The following ESRRG variants were observed in gnomAD, a reference collection of about 807,000 sequenced individuals.
ESRRG encodes estrogen-related receptor gamma.
Under a neutral mutation model 44.0 loss-of-function variants are expected in ESRRG, and 13 were observed. The observed-to-expected ratio is 0.30, with a 90% CI of 0.19 to 0.47. The LOEUF is 0.47. Among genes scored for constraint, ESRRG ranks in the 20% least tolerant of loss-of-function variants. ESRRG has a pLI of 1.00. For missense variants in ESRRG, 395 were observed against 580.6 expected, an observed-to-expected ratio of 0.68 and a Z score of 3.29; for synonymous variants, 215 against 214.6, an observed-to-expected ratio of 1.00 and a Z score of -0.02.
chr1:216,701,137 G>GC (rs1218671446), intron 1 of ESRRG, among the ~76,000 whole-genome samples: 2 of 3,836 alleles, frequency 5.2e-4, no homozygotes, highest in African/African-American at 1.7e-3. Flanking sequence ...GCGGAGTTTG[G>GC]GGGGGGTATG....
At chr1:217,088,897 A>T (rs1251717164) in intron 1 of ESRRG, among the ~76,000 whole-genome samples, 3 of 152,096 alleles carry the variant, frequency 2.0e-5, no homozygotes, top group African/African-American at 7.2e-5. Flanking sequence ...TAGATGGTTT[A>T]AAATAGTTAA....
chr1:216,580,127 A>G (rs573907078), intron 3 of ESRRG, among the ~76,000 whole-genome samples: 11 of 152,342 alleles, frequency 7.2e-5, no homozygotes, highest in African/African-American at 2.4e-4. Flanking sequence ...GCCATGCAGT[A>G]TGTATCACAT....
At chr1:216,522,381 T>C (rs1377208963) in intron 5 of ESRRG, among the ~76,000 whole-genome samples, 1 of 149,518 alleles carries the variant, frequency 6.7e-6, no homozygotes, top group Non-Finnish European at 1.5e-5. Context: ...AAAGGAAGTA[T>C]ACTTTTTGCA....
chr1:217,105,032 A>G (rs1558266200), intron 1 of ESRRG, among the ~76,000 whole-genome samples: 1 of 152,052 alleles, frequency 6.6e-6, no homozygotes, highest in African/African-American at 2.4e-5. Flanking sequence ...TATTACCTAT[A>G]CTCTGTGACC....
rs558409433 is a variant in ESRRG at position 217,125,313 on chromosome 1, A to G, written c.-230+12354T>C. 3.3e-5 allele frequency among the ~76,000 whole-genome samples: 5 copies of G among 152,362 alleles called. No individual in the cohort carries two copies. The East Asian group carries it at 9.6e-4, about 29-fold the overall frequency. The stretch of plus-strand genomic sequence containing the variant: ...GTCTGTACGAAGGATGCTGTGATAA[A>G]TCTGGAAAACATTACATACCATAGT... On this transcript the variant is annotated intron_variant, in intron 1 of 8. Transcript: ENST00000366940.
intron 2 of ESRRG, chr1:216,862,186 G>T (rs781200930): frequency 6.6e-6 from 1 of 151,236 alleles, no homozygotes; most frequent in Non-Finnish European, 1.5e-5. Flanking sequence ...TTACCAAAGA[G>T]CAATGAAAGT....
chr1:216,537,736 C>T (rs1174632942), intron 5 of ESRRG, among the ~76,000 whole-genome samples: 4 of 152,064 alleles, frequency 2.6e-5, no homozygotes, highest in African/African-American at 9.7e-5. Context: ...AGCATTCTCA[C>T]TAAAACCTTA....
intron 1 of ESRRG, among the ~76,000 whole-genome samples, chr1:217,115,082 A>G (rs1172990107): frequency 6.6e-6 from 1 of 152,128 alleles, no homozygotes; most frequent in African/African-American, 2.4e-5. Context: ...TGCCTTCACA[A>G]TGCTACTCCT....
intron 1 of ESRRG, among the ~76,000 whole-genome samples, chr1:217,137,404 C>T (rs139312024): frequency 6.6e-6 from 1 of 152,288 alleles, no homozygotes; most frequent in Non-Finnish European, 1.5e-5. Flanking sequence ...AGTAGCTCCC[C>T]CTGCGGGGTG....
chr1:216,778,063 A>G (rs1221333249), intron 2 of ESRRG, among the ~76,000 whole-genome samples: 1 of 152,076 alleles, frequency 6.6e-6, no homozygotes, highest in Non-Finnish European at 1.5e-5. Context: ...GTCTCGGATC[A>G]ATAGAAATTA....
intron 2 of ESRRG, among the ~76,000 whole-genome samples, chr1:216,734,907 T>TTCTACC: frequency 1.1e-5 from 1 of 91,292 alleles, no homozygotes; most frequent in African/African-American, 6.4e-5. Context: ...CCATATTCTT[T>TTCTACC]TTTTTTTTTT....
At chr1:216,985,009 T>C (rs914289872) in intron 1 of ESRRG, among the ~76,000 whole-genome samples, 1 of 152,244 alleles carries the variant, frequency 6.6e-6, no homozygotes, top group Non-Finnish European at 1.5e-5. Context: ...ATTTCAATGG[T>C]TTCCTCACAG....
At chr1:217,106,450 C>T (rs567678406) in intron 1 of ESRRG, among the ~76,000 whole-genome samples, 6 of 151,516 alleles carry the variant, frequency 4.0e-5, no homozygotes, top group Admixed American at 3.3e-4. Flanking sequence ...ATTTTTTAAG[C>T]GATTCTATGA....
chr1:216,550,373 C>T (rs10495028), intron 5 of ESRRG, among the ~76,000 whole-genome samples: 2,199 of 152,114 alleles, frequency 0.014, 59 homozygotes, highest in African/African-American at 0.05. Context: ...AAAATGCGGA[C>T]GAGGCCTGAT....
chr1:216,575,913 C>T (rs1291143603), intron 3 of ESRRG, among the ~76,000 whole-genome samples: 6 of 151,990 alleles, frequency 3.9e-5, no homozygotes, highest in Admixed American at 6.6e-5. Context: ...AAGGGCTAGG[C>T]GATTTTGCCT....
In ESRRG at chr1:216,787,976, C is replaced by T. The variant is rs534501403; in HGVS notation, c.-13-110485G>A. On this transcript the variant is annotated intron_variant, in intron 2 of 7. Transcript: ENST00000359162. Reference sequence around the variant, plus strand: ...CAAGGTCTTAACTCTCTTCAATTTCCGGAAGGCTGAGAGAAATGAGGAAGC... The same window carrying T: ...CAAGGTCTTAACTCTCTTCAATTTCTGGAAGGCTGAGAGAAATGAGGAAGC... Among the ~76,000 whole-genome samples the T allele has an allele frequency of 5.6e-4, 85 of 152,144 alleles. No individual in the cohort carries two copies. In the South Asian group the frequency reaches 0.01, roughly 18 times the overall value.
intron 2 of ESRRG, among the ~76,000 whole-genome samples, chr1:216,769,920 T>C (rs2093308138): frequency 6.6e-6 from 1 of 152,000 alleles, no homozygotes; most frequent in Admixed American, 6.6e-5. Context: ...GACAATATTG[T>C]TAAGGAAGAG....
intron 1 of ESRRG, among the ~76,000 whole-genome samples, chr1:216,990,894 T>C (rs2075583580): frequency 6.6e-6 from 1 of 152,146 alleles, no homozygotes; most frequent in Non-Finnish European, 1.5e-5. Context: ...TCAATTGTAC[T>C]GTATTGCTAT....
intron 3 of ESRRG, among the ~76,000 whole-genome samples, chr1:216,588,014 G>A (rs972047652): frequency 2.0e-5 from 3 of 152,172 alleles, no homozygotes; most frequent in Admixed American, 2.0e-4. Context: ...AGTATAAATA[G>A]GAAGTAAATA....
Sources: allele counts gnomAD v4.1 joint callset (sites outside exome capture counted in the v4.1 genomes callset), GRCh38; gene constraint gnomAD v4.1.1; transcripts MANE v1.5; gene names NCBI Gene and HGNC (gene_info 2026-07-23, HGNC 2026-07-21).